NHS: variants seen among roughly 807,000 people sequenced by gnomAD.
NHS encodes the protein actin remodeling regulator NHS.
Under a neutral mutation model 72.5 loss-of-function variants are expected in NHS, and 5 were observed. That is an observed-to-expected ratio of 0.07 (90% confidence interval 0.04 to 0.14). The LOEUF (loss-of-function observed/expected upper bound fraction) is 0.14, where lower values mean the gene tolerates loss of function less well. NHS is among the 10% of genes least tolerant of loss of function. The probability of loss-of-function intolerance (pLI) is 1.00; values close to 1 mark genes in which losing one functional copy is unlikely to be tolerated. For missense variants in NHS, 1,072 were observed against 1,355.7 expected, an observed-to-expected ratio of 0.79 and a Z score of 3.29; for synonymous variants, 464 against 547.7, an observed-to-expected ratio of 0.85 and a Z score of 2.13.
At chrX:17,436,500 C>T (rs2064723484) in intron 1 of NHS, among the ~76,000 whole-genome samples, 1 of 108,025 alleles carries the variant, frequency 9.3e-6, no homozygotes, top group Admixed American at 1.0e-4. Context: ...ATGCTTTCCT[C>T]ATAAATATAT....
intron 1 of NHS, among the ~76,000 whole-genome samples, chrX:17,397,865 G>A (rs1436949556): frequency 2.7e-5 from 3 of 111,977 alleles, no homozygotes; most frequent in African/African-American, 9.8e-5. Flanking sequence ...GCTGTGTGTT[G>A]AGGGATGTGG....
At chrX:17,715,121 A>T (rs2147132429) in intron 3 of NHS, among the ~76,000 whole-genome samples, 1 of 111,407 alleles carries the variant, frequency 9.0e-6, no homozygotes, top group East Asian at 2.8e-4. Context: ...GCACCCATTC[A>T]CCCAAGCAGT....
intron 1 of NHS, among the ~76,000 whole-genome samples, chrX:17,484,763 G>A (rs1376091398): frequency 9.1e-6 from 1 of 109,737 alleles, no homozygotes; most frequent in Non-Finnish European, 1.9e-5. Flanking sequence ...TAAAGGAAGT[G>A]GTTGGGATGT....
intron 1 of NHS, among the ~76,000 whole-genome samples, chrX:17,670,996 G>A (rs1022797478): frequency 1.8e-5 from 2 of 111,976 alleles, no homozygotes; most frequent in Non-Finnish European, 3.8e-5. Context: ...GCTGAAGGGT[G>A]CCCGAAGGCC....
intron 1 of NHS, among the ~76,000 whole-genome samples, chrX:17,408,806 C>T (rs143387801): frequency 4.7e-3 from 521 of 112,041 alleles, no homozygotes; most frequent in African/African-American, 0.016. Context: ...GAAATTAATT[C>T]CTCATGGTTC....
chrX:17,616,745 G>T (rs1157992207), intron 1 of NHS, among the ~76,000 whole-genome samples: 2 of 112,257 alleles, frequency 1.8e-5, no homozygotes, highest in Admixed American at 1.9e-4. Context: ...TCTTCCAAAT[G>T]TATTTAAAAT....
intron 1 of NHS, among the ~76,000 whole-genome samples, chrX:17,406,528 C>T (rs1022770346): frequency 1.8e-5 from 2 of 111,518 alleles, no homozygotes; most frequent in South Asian, 3.9e-4. Context: ...AAAACCAAGA[C>T]AGCTAAAATG....
chrX:17,597,116 G>GTTTT (rs59820959), intron 1 of NHS, among the ~76,000 whole-genome samples: 9 of 83,257 alleles, frequency 1.1e-4, no homozygotes, highest in African/African-American at 1.5e-4. Context: ...CTATTCTTCC[G>GTTTT]TTTTTTTTTT....
At chrX:17,590,554 A>G (rs949822907) in intron 1 of NHS, among the ~76,000 whole-genome samples, 9 of 112,055 alleles carry the variant, frequency 8.0e-5, no homozygotes, top group African/African-American at 1.3e-4. Context: ...TCCCAGTTTT[A>G]TAAAAACAAA....
intron 1 of NHS, among the ~76,000 whole-genome samples, chrX:17,512,585 C>G (rs777411594): frequency 8.9e-5 from 10 of 112,125 alleles, no homozygotes; most frequent in Non-Finnish European, 1.7e-4. Context: ...AAATGCAGCT[C>G]AATTCAGCTG....
intron 1 of NHS, among the ~76,000 whole-genome samples, chrX:17,487,620 T>G (rs1372092632): frequency 9.0e-6 from 1 of 111,509 alleles, no homozygotes; most frequent in Admixed American, 9.5e-5. Flanking sequence ...TTGGCTGTCC[T>G]ATGTGTCTGG....
intron 3 of NHS, among the ~76,000 whole-genome samples, chrX:17,709,000 C>T (rs1469254108): frequency 9.0e-6 from 1 of 111,161 alleles, no homozygotes; most frequent in Non-Finnish European, 1.9e-5. Flanking sequence ...TTAATTTCCT[C>T]AATCTCTAGA....
At chrX:17,651,148 G>T (rs1396346077) in intron 1 of NHS, among the ~76,000 whole-genome samples, 1 of 112,296 alleles carries the variant, frequency 8.9e-6, no homozygotes, top group Middle Eastern at 4.2e-3. Flanking sequence ...TCTTGCTGGA[G>T]AATTGGTAAC....
At chrX:17,461,274 G>A (rs2064846607) in intron 1 of NHS, among the ~76,000 whole-genome samples, 1 of 111,942 alleles carries the variant, frequency 8.9e-6, no homozygotes, top group Admixed American at 9.4e-5. Context: ...AGCTTTTCAG[G>A]GGAGGTAACA....
intron 3 of NHS, 58 bp downstream of exon 3, chrX:17,692,526 C>A: frequency 6.7e-6 from 8 of 1,199,048 alleles, no homozygotes; most frequent in Non-Finnish European, 9.0e-6. Context: ...ATCAGTTTGT[C>A]TGGGAGTCAG....
At chrX:17,534,340 C>A (rs762997486) in intron 1 of NHS, among the ~76,000 whole-genome samples, 1 of 111,508 alleles carries the variant, frequency 9.0e-6, no homozygotes, top group Non-Finnish European at 1.9e-5. Context: ...ATGCCTGGGA[C>A]ATTGATTTTG....
intron 1 of NHS, among the ~76,000 whole-genome samples, chrX:17,576,344 G>A (rs1296499681): frequency 9.0e-6 from 1 of 111,719 alleles, no homozygotes; most frequent in Non-Finnish European, 1.9e-5. Flanking sequence ...GTAACGAGAT[G>A]TATAGATTTG....
Position 17,399,365 on chromosome X carries a change from G to A in NHS, c.565+23043G>A, listed in dbSNP as rs371761397. 1.3e-3 allele frequency among the ~76,000 whole-genome samples: 146 copies of A among 111,747 alleles called. 1 individual carries two copies. Among genetic ancestry groups the A allele is most frequent in the African/African-American group, 4.4e-3 (134 of 30,786 alleles). The stretch of plus-strand genomic sequence containing the variant: ...GATCCACCCGCCGTGGCCTCCCAAA[G>A]TGCTGGAATTACAGGCGTGAGCCAC... On this transcript the variant is annotated intron_variant, in intron 1 of 8. Transcript: ENST00000676302.
intron 1 of NHS, among the ~76,000 whole-genome samples, chrX:17,449,314 G>A (rs2064795969): frequency 8.8e-6 from 1 of 113,147 alleles, no homozygotes; most frequent in African/African-American, 3.2e-5. Context: ...GTGCATTAGG[G>A]TCAGAAGACC....
Sources: gnomAD v4.1 joint callset for allele counts (sites outside exome capture counted in the v4.1 genomes callset) on GRCh38, gnomAD v4.1.1 for gene constraint, MANE v1.5 for transcripts, NCBI Gene and HGNC (gene_info 2026-07-23, HGNC 2026-07-21) for gene names.